BCAS1: variants seen among roughly 807,000 people sequenced by gnomAD.
BCAS1 encodes brain enriched myelin associated protein 1.
In BCAS1, 46 loss-of-function variants were observed where a neutral mutation model predicts 65.4. The ratio of observed to expected loss-of-function variants is 0.70; its 90% CI spans 0.55 to 0.90. BCAS1 has a LOEUF of 0.90. Ranked by LOEUF, BCAS1 falls within the 40% of genes least tolerant of loss-of-function variation. The pLI is 0.00. For missense variants in BCAS1, 793 were observed against 771.2 expected (o/e 1.03, Z -0.33); for synonymous variants, 298 against 293.5 (o/e 1.02, Z -0.16).
At chr20:53,948,307 G>A (rs145313250) in intron 12 of BCAS1, among the ~76,000 whole-genome samples, 167 of 152,276 alleles carry the variant, frequency 1.1e-3, no homozygotes, top group African/African-American at 3.3e-3. Flanking sequence ...TGGCTGCCAC[G>A]GGCCTGAACT....
At chr20:54,050,606 G>C (rs373154307) in intron 3 of BCAS1, among the ~76,000 whole-genome samples, 7 of 152,308 alleles carry the variant, frequency 4.6e-5, no homozygotes, top group African/African-American at 1.4e-4. Context: ...TCATGAATGG[G>C]ATGCGCTTAG....
At chr20:54,045,075 G>A (rs2092075922) in intron 3 of BCAS1, among the ~76,000 whole-genome samples, 2 of 151,870 alleles carry the variant, frequency 1.3e-5, no homozygotes, top group Non-Finnish European at 2.9e-5. Flanking sequence ...AGCCAGGTGT[G>A]GTGGTGTGTG....
intron 6 of BCAS1, among the ~76,000 whole-genome samples, chr20:53,993,946 G>T (rs1181549557): frequency 2.6e-5 from 4 of 152,170 alleles, no homozygotes; most frequent in African/African-American, 7.2e-5. Flanking sequence ...TCTACAGTTT[G>T]CAAAACAATG....
In BCAS1 at chr20:53,944,995, C is replaced by T. The variant is rs756337172; in HGVS notation, c.1817G>A (p.Gly606Glu). Reference protein sequence around the residue: ...QSLGGFFKGLGPKRMLDAQVQ... With the variant: ...QSLGGFFKGLEPKRMLDAQVQ... ...TTGAGCATCCAACATCCGCTTTGGT[C>T]CCTGGAGAAAAACAGAAAGACGTGG... The change falls in exon 13 of 13, where the codon GGA (glycine) becomes GAA (glutamate). Residue 606 changes from glycine (G) to glutamate (E), a missense_variant and splice_region_variant. Coordinates refer to ENST00000688948, the MANE Select transcript of BCAS1 (RefSeq NM_001366298.2). The T allele has an allele frequency of 3.7e-6, 6 of 1,613,856 alleles. No homozygotes were observed. In the African/African-American group the frequency reaches 5.3e-5, roughly 14 times the overall value.
At chr20:53,968,421 T>C (rs1213683613) in intron 9 of BCAS1, among the ~76,000 whole-genome samples, 3 of 152,160 alleles carry the variant, frequency 2.0e-5, no homozygotes, top group Admixed American at 1.3e-4. Context: ...TTTCCAAAAA[T>C]ATCGTCTGCT....
intron 2 of BCAS1, 48 bp downstream of exon 2, chr20:54,058,599 T>TC: frequency 7.0e-7 from 1 of 1,438,524 alleles, no homozygotes; most frequent in Non-Finnish European, 9.1e-7. Flanking sequence ...AGTTCTTTTT[T>TC]TTTTTTTTTT....
chr20:53,999,532 A>T, intron 4 of BCAS1, among the ~76,000 whole-genome samples: 1 of 151,964 alleles, frequency 6.6e-6, no homozygotes, highest in South Asian at 2.1e-4. Context: ...CCCCTCTTCC[A>T]TTCCATTCTC....
intron 4 of BCAS1, among the ~76,000 whole-genome samples, chr20:53,999,039 A>G (rs892358766): frequency 2.6e-5 from 4 of 152,238 alleles, no homozygotes; most frequent in Non-Finnish European, 1.5e-5. Flanking sequence ...TGAACATCTT[A>G]AAATTCTATA....
At chr20:53,959,147 A>G (rs551737361) in intron 10 of BCAS1, among the ~76,000 whole-genome samples, 6 of 152,264 alleles carry the variant, frequency 3.9e-5, no homozygotes, top group Non-Finnish European at 1.5e-5. Flanking sequence ...GCTGGAGTAC[A>G]GCGGCACAAT....
chr20:54,026,219 G>A (rs2091669460), intron 4 of BCAS1, among the ~76,000 whole-genome samples: 1 of 152,104 alleles, frequency 6.6e-6, no homozygotes, highest in Non-Finnish European at 1.5e-5. Flanking sequence ...ATTACACAAG[G>A]GCTTTGCTAT....
At chr20:54,067,896 C>T (rs957472147) in intron 1 of BCAS1, among the ~76,000 whole-genome samples, 2 of 152,244 alleles carry the variant, frequency 1.3e-5, no homozygotes, top group Non-Finnish European at 2.9e-5. Context: ...GTGACGCCAA[C>T]ATGGCCAGGC....
intron 4 of BCAS1, among the ~76,000 whole-genome samples, chr20:53,999,610 C>A (rs1037628613): frequency 6.6e-6 from 1 of 152,122 alleles, no homozygotes; most frequent in African/African-American, 2.4e-5. Context: ...ACCCCAGTGA[C>A]CTGCTTGCTC....
chr20:54,063,248 C>T (rs966791233), intron 1 of BCAS1, among the ~76,000 whole-genome samples: 3 of 152,176 alleles, frequency 2.0e-5, no homozygotes, highest in South Asian at 2.1e-4. Context: ...CACTGAGCCT[C>T]GCTGGGCCTC....
intron 4 of BCAS1, among the ~76,000 whole-genome samples, chr20:54,007,023 C>T (rs1184772705): frequency 1.3e-5 from 2 of 152,186 alleles, no homozygotes; most frequent in African/African-American, 4.8e-5. Context: ...CTGCTGGCTA[C>T]TTAGACAGTA....
chr20:54,058,203 A>C, intron 2 of BCAS1, 49 bp from the exon 3 acceptor site: 1 of 1,523,366 alleles, frequency 6.6e-7, no homozygotes, highest in Non-Finnish European at 9.1e-7. Context: ...GGGGAAAATC[A>C]GAAGAACTCA....
intron 11 of BCAS1, among the ~76,000 whole-genome samples, chr20:53,954,121 A>G (rs1047945194): frequency 6.6e-6 from 1 of 152,216 alleles, no homozygotes; most frequent in Non-Finnish European, 1.5e-5. Flanking sequence ...CCAAATGCAG[A>G]TAACACTGGA....
At chr20:54,058,562 C>T (rs1198821472) in intron 2 of BCAS1, 85 bp downstream of exon 2, 3 of 1,529,478 alleles carry the variant, frequency 2.0e-6, no homozygotes, top group Admixed American at 2.2e-5. Context: ...GCCAGGACTT[C>T]AGTCAACACA....
chr20:54,067,027 AT>A (rs2092452277), intron 1 of BCAS1, among the ~76,000 whole-genome samples: 1 of 152,272 alleles, frequency 6.6e-6, no homozygotes, highest in Non-Finnish European at 1.5e-5. Context: ...CTGCATATTC[AT>A]TCTTGCAATG....
chr20:54,007,267 G>T (rs2091219022), intron 4 of BCAS1, among the ~76,000 whole-genome samples: 5 of 152,202 alleles, frequency 3.3e-5, no homozygotes, highest in Admixed American at 2.6e-4. Context: ...ACATACAGGG[G>T]ATATCTATTG....
Sources: allele counts gnomAD v4.1 joint callset (sites outside exome capture counted in the v4.1 genomes callset), GRCh38; gene constraint gnomAD v4.1.1; transcripts MANE v1.5; gene names NCBI Gene and HGNC (gene_info 2026-07-23, HGNC 2026-07-21).